MYRF: variants seen among roughly 807,000 people sequenced by gnomAD.
MYRF encodes myelin gene regulatory factor.
Under a neutral mutation model 126.3 loss-of-function variants are expected in MYRF, and 16 were observed. That is an observed-to-expected ratio of 0.13 (90% CI 0.09 to 0.19). MYRF has a LOEUF of 0.19. Ranked by LOEUF, MYRF falls within the 10% of genes least tolerant of loss-of-function variation. The probability of loss-of-function intolerance (pLI) is 1.00; values close to 1 mark genes in which losing one functional copy is unlikely to be tolerated. For missense variants in MYRF, 1,104 were observed against 1,547.0 expected (o/e 0.71, Z 4.80); for synonymous variants, 608 against 635.3 (o/e 0.96, Z 0.65).
intron 3 of MYRF, chr11:61,766,603 C>T (rs752715201): frequency 1.1e-4 from 28 of 258,696 alleles, no homozygotes; most frequent in East Asian, 2.7e-4. Context: ...ATCCAGCTGA[C>T]GTGTACTGTG....
rs2066503886 is a variant in MYRF at position 61,780,211 on chromosome 11, T to G, written c.2337-11T>G. On this transcript the variant is annotated splice_polypyrimidine_tract_variant and intron_variant, in intron 17 of 26. Transcript: ENST00000278836. ...TCCAGCTCTAACGGTCACCCTTTTC[T>G]GTGGCTCCAGCGTGGTGTCCATGTC... is the stretch of plus-strand genomic sequence containing the variant. The G allele has an allele frequency of 1.2e-6, 2 of 1,613,820 alleles. No homozygotes were observed. The highest frequency in any genetic ancestry group is 2.7e-5 in the African/African-American group (2 of 75,026).
intron 6 of MYRF, 22 bp from the exon 7 acceptor site, chr11:61,771,807 C>T: frequency 6.2e-7 from 1 of 1,613,980 alleles, no homozygotes; most frequent in Non-Finnish European, 8.5e-7. Flanking sequence ...GCAGGGCCCA[C>T]ATGGGCGTTC....
At chr11:61,769,408 G>T (rs1689587758) in intron 4 of MYRF, 87 bp downstream of exon 4, 1 of 1,012,396 alleles carries the variant, frequency 9.9e-7, no homozygotes, top group African/African-American at 1.6e-5. Flanking sequence ...GAGGAGGGAG[G>T]GGGCCAGCGG....
rs1013251641 is a variant in MYRF, at chr11:61,786,384, C to T, written c.*241C>T. The T allele has an allele frequency of 8.7e-6, 5 of 573,458 alleles. No homozygotes were observed. Among genetic ancestry groups the T allele is most frequent in the Non-Finnish European group, 1.3e-5 (4 of 319,224 alleles). The allele number at this position is 573,458 out of a possible 1,614,324, so 35.5% of individuals were successfully genotyped here. A position where few individuals can be genotyped will look rare whatever the true frequency, so the allele number is the denominator to read the frequency against. Reference sequence around the variant, plus strand: ...TCTTGGGCCTTCCTGCCTGCCACCCCCTAGGGGCCAGGACAGGACCAGTTT... The same window carrying T: ...TCTTGGGCCTTCCTGCCTGCCACCCTCTAGGGGCCAGGACAGGACCAGTTT... On this transcript the variant is annotated 3_prime_UTR_variant, in exon 27 of 27. Coordinates refer to ENST00000278836, the MANE Select transcript of MYRF (RefSeq NM_001127392.3). This position sits in a 1 kb window ranked among gnomAD's most constrained non-coding sequence, Gnocchi z 4.5.
At chr11:61,755,282 A>G in intron 1 of MYRF, 1 of 1,289,710 alleles carries the variant, frequency 7.8e-7, no homozygotes, top group Non-Finnish European at 1.1e-6. Context: ...TTTGGACCTC[A>G]GGTGGGAGGC....
rs1209497499 is a variant in MYRF at position 61,783,648 on chromosome 11, G to T, written c.3119+48G>T. 2.6e-6 allele frequency: 4 copies of T among 1,551,110 alleles called. No individual in the cohort carries two copies. In the South Asian group the frequency reaches 4.5e-5, roughly 17 times the overall value. On this transcript the variant is annotated intron_variant, in intron 23 of 26. Transcript: ENST00000278836. This position sits in a 1 kb window ranked among gnomAD's most constrained non-coding sequence, Gnocchi z 4.6. Reference sequence around the variant, plus strand: ...ACCCAGGGAGGTCCTCAGGTGACATGAGCCCAGGTGGTACAGATCACCCGG... The same window carrying T: ...ACCCAGGGAGGTCCTCAGGTGACATTAGCCCAGGTGGTACAGATCACCCGG...
At chr11:61,761,961 G>C (rs1288648218) in intron 1 of MYRF, among the ~76,000 whole-genome samples, 1 of 152,250 alleles carries the variant, frequency 6.6e-6, no homozygotes, top group Non-Finnish European at 1.5e-5. Context: ...TGCCCAGCGG[G>C]GTGTGTGTAG....
intron 1 of MYRF, among the ~76,000 whole-genome samples, chr11:61,758,629 C>T (rs1298314762): frequency 5.3e-5 from 8 of 152,210 alleles, no homozygotes; most frequent in Admixed American, 4.6e-4. Context: ...CTGGCATATA[C>T]ACCTGTGAAG....
Position 61,783,363 on chromosome 11 carries a change from T to G in MYRF, c.3017-135T>G. 2 of 698,426 alleles carry G rather than the reference T, an allele frequency of 2.9e-6. No individual in the cohort carries two copies. Among genetic ancestry groups the G allele is most frequent in the Non-Finnish European group, 5.1e-6 (2 of 389,070 alleles). The allele number at this position is 698,426 out of a possible 1,614,324, so 43.3% of individuals were successfully genotyped here. A position where few individuals can be genotyped will look rare whatever the true frequency, so the allele number is the denominator to read the frequency against. On this transcript the variant is annotated intron_variant, in intron 22 of 26. Coordinates refer to ENST00000278836, the MANE Select transcript of MYRF (RefSeq NM_001127392.3). This position sits in a 1 kb window ranked among gnomAD's most constrained non-coding sequence, Gnocchi z 4.6. ...AAAGGGTGTAGTGTGATGCTGGCCA[T>G]TGTGGAGGTCTGGAAAAAAATAACC...
In MYRF at chr11:61,783,519, T is replaced by A. The variant is rs1466315055; in HGVS notation, c.3038T>A (p.Val1013Glu). ...GQSASLLAEP[V>E]PSLTSIQVLE... Reference sequence around the variant, plus strand: ...ACAGCCTCTCTCCTTGCAGAGCCAGTGCCCTCCCTGACCTCCATCCAGGTG... The same window carrying A: ...ACAGCCTCTCTCCTTGCAGAGCCAGAGCCCTCCCTGACCTCCATCCAGGTG... The change falls in exon 23 of 27, where the codon GTG (valine) becomes GAG (glutamate). Residue 1013 changes from valine to glutamate, a missense_variant. Physicochemically the swap from Val to Glu is moderately radical, Grantham distance 121. Around this residue, in one of 10 missense-constraint regions of MYRF, gnomAD observed 323 missense variants for 383.1 expected, o/e 0.84. Transcript: ENST00000278836. This position sits in a 1 kb window ranked among gnomAD's most constrained non-coding sequence, Gnocchi z 4.6. The A allele has an allele frequency of 1.9e-6, 3 of 1,613,806 alleles. No homozygotes were observed. The highest frequency in any genetic ancestry group is 2.5e-6 in the Non-Finnish European group (3 of 1,179,970).
In MYRF at chr11:61,769,377, G is replaced by A. The variant is rs553951812; in HGVS notation, c.460+56G>A. Reference sequence around the variant, plus strand: ...CAGGGTTTGGGCAAGTAGTTGGGGCGGCCTTATCAGGGAGGTAGGGGAGGA... The same window carrying A: ...CAGGGTTTGGGCAAGTAGTTGGGGCAGCCTTATCAGGGAGGTAGGGGAGGA... On this transcript the variant is annotated intron_variant, in intron 4 of 26. Transcript: ENST00000278836. The A allele has an allele frequency of 5.7e-6, 8 of 1,403,852 alleles. No individual in the cohort carries two copies. In the African/African-American group the frequency reaches 9.9e-5, roughly 17 times the overall value. The allele number at this position is 1,403,852 out of a possible 1,614,324, so 87.0% of individuals were successfully genotyped here. A position where few individuals can be genotyped will look rare whatever the true frequency, so the allele number is the denominator to read the frequency against.
Position 61,778,340 on chromosome 11 carries a change from C to A in MYRF, c.1904-40C>A. ...TTACAAAGCTGTGAGTAGCCCTTTA[C>A]CACCCCCCCACCCATCTTTGGCTTG... On this transcript the variant is annotated intron_variant, in intron 13 of 26. Coordinates refer to ENST00000278836, the MANE Select transcript of MYRF (RefSeq NM_001127392.3). The surrounding 1 kb of genome is among the most constrained non-coding windows in gnomAD (Gnocchi z 4.6). 7.3e-7 allele frequency: 1 copy of A among 1,362,088 alleles called. No homozygotes were observed. Among genetic ancestry groups the A allele is most frequent in the Non-Finnish European group, 1.1e-6 (1 of 951,148 alleles). The allele number at this position is 1,362,088 out of a possible 1,614,324, so 84.4% of individuals were successfully genotyped here.
Position 61,783,428 on chromosome 11 carries a change from G to A in MYRF, c.3017-70G>A. ...ACTAAGGTGTGAGTGACTGCTTCAA[G>A]TCTGGCAAGGAAAGACTTGCCAGCT... On this transcript the variant is annotated intron_variant, in intron 22 of 26. Coordinates refer to ENST00000278836, the MANE Select transcript of MYRF (RefSeq NM_001127392.3). The surrounding 1 kb of genome is among the most constrained non-coding windows in gnomAD (Gnocchi z 4.6). The A allele has an allele frequency of 3.2e-6, 4 of 1,252,674 alleles. No homozygotes were observed. Among genetic ancestry groups the A allele is most frequent in the Non-Finnish European group, 4.6e-6 (4 of 863,470 alleles). The allele number at this position is 1,252,674 out of a possible 1,614,324, so 77.6% of individuals were successfully genotyped here.
At position 61,756,336 on chromosome 11, in the gene MYRF, C is replaced by A. The variant is rs578010455; in HGVS notation, c.46+3546C>A. Among the ~76,000 whole-genome samples the A allele has an allele frequency of 1.8e-4, 28 of 152,218 alleles. No homozygotes were observed. In the East Asian group the frequency reaches 4.1e-3, roughly 22 times the overall value. ...GGGGCTACCTGTCAGGGACCAACAT[C>A]TCTGCCTCCAGAGGGCAGGAGGAGG... is the stretch of plus-strand genomic sequence containing the variant. On this transcript the variant is annotated intron_variant, in intron 1 of 26. Coordinates refer to ENST00000278836, the MANE Select transcript of MYRF (RefSeq NM_001127392.3).
At chr11:61,758,599 T>C (rs198475) in intron 1 of MYRF, among the ~76,000 whole-genome samples, 106,890 of 152,120 alleles carry the variant, frequency 0.7, 38,632 homozygotes, top group East Asian at 0.77. Flanking sequence ...GGTCAGTGAG[T>C]GTTTGTGTAC....
At chr11:61,784,160 T>G in intron 24 of MYRF, 120 bp from the exon 25 acceptor site, 1 of 1,045,932 alleles carries the variant, frequency 9.6e-7, no homozygotes. Context: ...AGGGCCCTGG[T>G]TATTATGCGG....
At chr11:61,768,670 G>A (rs1942983735) in intron 3 of MYRF, 1 of 152,322 alleles carries the variant, frequency 6.6e-6, no homozygotes, top group East Asian at 1.9e-4. Flanking sequence ...GATCCCATAT[G>A]GCCACAGCCT....
chr11:61,764,112 T>C (rs1375932817), intron 1 of MYRF, among the ~76,000 whole-genome samples: 1 of 152,208 alleles, frequency 6.6e-6, no homozygotes, highest in African/African-American at 2.4e-5. Flanking sequence ...CCCTTGTTCC[T>C]AGCTGGGCGA....
chr11:61,755,970 G>T (rs1240514233), intron 1 of MYRF, among the ~76,000 whole-genome samples: 1 of 152,222 alleles, frequency 6.6e-6, no homozygotes, highest in Non-Finnish European at 1.5e-5. Flanking sequence ...TGAAGCTGAT[G>T]GGTGGCTGGA....
Sources: gnomAD v4.1 joint callset for allele counts (sites outside exome capture counted in the v4.1 genomes callset) on GRCh38, gnomAD v4.1.1 for gene constraint, gnomAD v4.1.1 regional missense constraint, Gnocchi (gnomAD v3.1) non-coding constraint, MANE v1.5 for transcripts, NCBI Gene and HGNC (gene_info 2026-07-23, HGNC 2026-07-21) for gene names.